Variants in NBAS observed in about 807,000 individuals in gnomAD.
NBAS encodes the protein NBAS subunit of NRZ tethering complex.
In NBAS, 219 loss-of-function variants were observed where a neutral mutation model predicts 302.5. The ratio of observed to expected loss-of-function variants is 0.72; its 90% CI spans 0.65 to 0.81. NBAS has a LOEUF of 0.81. Among genes scored for constraint, NBAS ranks in the 30% least tolerant of loss-of-function variants. The pLI is 0.00. For synonymous variants in NBAS, 1,118 were observed against 1,021.6 expected, an observed-to-expected ratio of 1.09 and a Z score of -1.80; for missense variants, 2,932 against 2,841.6, an observed-to-expected ratio of 1.03 and a Z score of -0.72.
the NBAS span, among the ~76,000 whole-genome samples, chr2:15,077,892 C>T: frequency 6.6e-6 from 1 of 152,156 alleles, no homozygotes; most frequent in Middle Eastern, 3.4e-3. Context: ...CCATATTGGT[C>T]AGGCTGGTCT....
the NBAS span, among the ~76,000 whole-genome samples, chr2:14,827,356 A>G: frequency 6.6e-6 from 1 of 152,234 alleles, no homozygotes; most frequent in African/African-American, 2.4e-5. Context: ...TTAGATACAT[A>G]TAAGAATTAC....
chr2:15,077,690 C>CTTTTTTTTTCT, the NBAS span, among the ~76,000 whole-genome samples: 150 of 134,916 alleles, frequency 1.1e-3, 1 homozygote, highest in Middle Eastern at 7.8e-3. Flanking sequence ...CTTTTTTTTT[C>CTTTTTTTTTCT]TTTTTTTTTT....
chr2:14,854,918 A>T, the NBAS span, among the ~76,000 whole-genome samples: 1 of 152,194 alleles, frequency 6.6e-6, no homozygotes, highest in Admixed American at 6.5e-5. Flanking sequence ...GGTACATGCA[A>T]CATACTGAGA....
chr2:15,166,204 G>A (rs1161857790), downstream of NBAS, among the ~76,000 whole-genome samples: 2 of 152,146 alleles, frequency 1.3e-5, no homozygotes. Flanking sequence ...TGCTATTCAC[G>A]CCCTTGCTAT....
chr2:15,227,821 T>C (rs1282423229), intron 47 of NBAS, among the ~76,000 whole-genome samples: 1 of 152,192 alleles, frequency 6.6e-6, no homozygotes, highest in Non-Finnish European at 1.5e-5. Flanking sequence ...TCTCACCATA[T>C]ATTACAAATA....
intron 51 of NBAS, among the ~76,000 whole-genome samples, chr2:15,174,116 T>C (rs1215680577): frequency 2.6e-5 from 4 of 152,196 alleles, no homozygotes; most frequent in Non-Finnish European, 4.4e-5. Context: ...GATCTCTGTA[T>C]GTTCAGGTTA....
At chr2:15,483,502 G>A in intron 12 of NBAS, 1 of 210,484 alleles carries the variant, frequency 4.8e-6, no homozygotes, top group South Asian at 6.7e-5. Flanking sequence ...GAGATGTAAA[G>A]ATATAAACAT....
rs754401265 is a variant in NBAS at position 15,383,284 on chromosome 2, C to T, written c.3291G>A (p.Thr1097=). ...GCATAGTTAACATGTCTTGCAGCAA[C>T]GTTCTCCAATGAGACTCACTGACAG... The part of the protein sequence containing the change: ...QPPVSESHWR[T]LLQDMLTMQQ... The change falls in exon 29 of 52, where the codon ACG becomes ACA. Residue 1097 remains threonine (T), a synonymous_variant. Transcript: ENST00000281513. 15 of 1,613,948 alleles carry T rather than the reference C, an allele frequency of 9.3e-6. No homozygotes were observed. The highest frequency in any genetic ancestry group is 4.5e-5 in the East Asian group (2 of 44,838).
At chr2:15,258,382 C>T (rs1393568813) in intron 44 of NBAS, among the ~76,000 whole-genome samples, 1 of 152,042 alleles carries the variant, frequency 6.6e-6, no homozygotes, top group Non-Finnish European at 1.5e-5. Flanking sequence ...GTCTGACTGC[C>T]TGTGGGGTTG....
chr2:15,151,282 C>T, the NBAS span, among the ~76,000 whole-genome samples: 1 of 152,092 alleles, frequency 6.6e-6, no homozygotes, highest in African/African-American at 2.4e-5. Context: ...ACCATCACTC[C>T]ATAACCAACT....
the NBAS span, among the ~76,000 whole-genome samples, chr2:15,121,463 G>A: frequency 3.0e-4 from 45 of 152,176 alleles, no homozygotes; most frequent in Non-Finnish European, 5.1e-4. Flanking sequence ...AGGAATGTTC[G>A]AGGTACACGT....
At chr2:15,416,360 T>C (rs1379159171) in intron 24 of NBAS, among the ~76,000 whole-genome samples, 1 of 152,196 alleles carries the variant, frequency 6.6e-6, no homozygotes, top group Non-Finnish European at 1.5e-5. Context: ...TCCCTAAAAT[T>C]ACACAATCGT....
At chr2:15,261,077 C>A (rs1170930323) in intron 44 of NBAS, among the ~76,000 whole-genome samples, 1 of 152,154 alleles carries the variant, frequency 6.6e-6, no homozygotes, top group African/African-American at 2.4e-5. Flanking sequence ...CAGGAGCCAG[C>A]AAACATTGGA....
chr2:15,487,265 A>G (rs113093391), intron 12 of NBAS, among the ~76,000 whole-genome samples: 4 of 152,334 alleles, frequency 2.6e-5, no homozygotes, highest in African/African-American at 9.6e-5. Context: ...AAAAACACGA[A>G]GTATCTTTTG....
intron 11 of NBAS, among the ~76,000 whole-genome samples, chr2:15,496,369 T>TC (rs932929347): frequency 6.6e-6 from 1 of 152,118 alleles, no homozygotes; most frequent in Non-Finnish European, 1.5e-5. Context: ...AGGGTTTTTT[T>TC]CCAGAGCGAT....
the NBAS span, among the ~76,000 whole-genome samples, chr2:14,782,874 CAT>C: frequency 6.6e-6 from 1 of 152,126 alleles, no homozygotes; most frequent in Non-Finnish European, 1.5e-5. Context: ...CCAAATACCA[CAT>C]GTTTTCACTT....
chr2:14,936,592 A>T, the NBAS span, among the ~76,000 whole-genome samples: 7 of 152,350 alleles, frequency 4.6e-5, no homozygotes, highest in Non-Finnish European at 1.0e-4. Context: ...ACTTCTGACC[A>T]CATTAGGAAG....
Position 15,328,229 on chromosome 2 carries a change from T to G in NBAS, c.4431A>C (p.Glu1477Asp). Residue 1477 changes from glutamate (E) to aspartate (D), a missense_variant, in exon 37 of 52, where the codon GAA becomes GAC. Physicochemically the swap from Glu to Asp is conservative, Grantham distance 45. Transcript: ENST00000281513. ...CGACAAAAGGATTTGAGATGACAGA[T>G]TCATAAAAAGGATGACACCCTTGTT... ...LEKQGCHPFY[E>D]SVISNPFVAE... The G allele has an allele frequency of 6.2e-7, 1 of 1,613,896 alleles. No homozygotes were observed. Among genetic ancestry groups the G allele is most frequent in the South Asian group, 1.1e-5 (1 of 91,070 alleles).
the NBAS span, among the ~76,000 whole-genome samples, chr2:14,957,766 C>T: frequency 6.6e-6 from 1 of 152,178 alleles, no homozygotes; most frequent in East Asian, 1.9e-4. Flanking sequence ...GATAAGTCAG[C>T]CCCCTGCACC....
Sources: gnomAD v4.1 joint callset for allele counts (sites outside exome capture counted in the v4.1 genomes callset) on GRCh38, gnomAD v4.1.1 for gene constraint, MANE v1.5 for transcripts, NCBI Gene and HGNC (gene_info 2026-07-23, HGNC 2026-07-21) for gene names.